The following CSMD1 variants were observed in gnomAD, a reference collection of about 807,000 sequenced individuals.
The protein encoded by CSMD1 is CUB and Sushi multiple domains 1, also known as CUB and sushi domain-containing protein 1.
A neutral mutation model predicts 417.5 loss-of-function variants in CSMD1; 213 were observed. That is an observed-to-expected ratio of 0.51 (90% CI 0.46 to 0.57). The LOEUF (loss-of-function observed/expected upper bound fraction) is 0.57. Among genes scored for constraint, CSMD1 ranks in the 20% least tolerant of loss-of-function variants. The pLI, the probability that CSMD1 is intolerant of heterozygous loss-of-function variation, is 0.00. For synonymous variants in CSMD1, 2,862 were observed against 1,736.8 expected (o/e 1.65, Z -16.11); for missense variants, 6,923 against 4,529.7 (o/e 1.53, Z -15.17).
At chr8:4,061,406 C>T (rs577350452) in intron 3 of CSMD1, among the ~76,000 whole-genome samples, 4 of 152,360 alleles carry the variant, frequency 2.6e-5, no homozygotes, top group African/African-American at 7.2e-5. Context: ...ATTAAATCAG[C>T]TTCCTAGCAC....
At position 4,765,131 on chromosome 8, in the gene CSMD1, G is replaced by C. The variant is rs532693748; in HGVS notation, c.86-127573C>G. 3.8e-4 allele frequency among the ~76,000 whole-genome samples: 58 copies of C among 152,170 alleles called. 1 individual carries two copies. The South Asian group carries it at 0.011, about 28-fold the overall frequency. On this transcript the variant is annotated intron_variant, in intron 1 of 69. Transcript: ENST00000635120. ...GGGTTCAAATCTTGGGTCTCCCTCTGATGTTCACACAGTTAATATAGCTCG... is the reference window on the plus strand; with the variant it reads ...GGGTTCAAATCTTGGGTCTCCCTCTCATGTTCACACAGTTAATATAGCTCG...
chr8:3,762,867 T>C (rs1651050730), intron 5 of CSMD1, among the ~76,000 whole-genome samples: 1 of 152,148 alleles, frequency 6.6e-6, no homozygotes, highest in Admixed American at 6.5e-5. Flanking sequence ...CGGTGGACAG[T>C]GTGAGGAAGC....
At chr8:3,337,542 C>T (rs895854042) in intron 23 of CSMD1, among the ~76,000 whole-genome samples, 9 of 152,212 alleles carry the variant, frequency 5.9e-5, no homozygotes, top group East Asian at 1.9e-4. Flanking sequence ...AGGATGTTCT[C>T]GGTAAGCGAT....
chr8:3,248,869 T>C (rs1042195427), intron 26 of CSMD1, among the ~76,000 whole-genome samples: 2 of 152,104 alleles, frequency 1.3e-5, no homozygotes, highest in African/African-American at 4.8e-5. Context: ...TTTTCAAGAC[T>C]GAGGTCCTTG....
In CSMD1 at chr8:4,288,612, G is replaced by C. The variant is rs188879232; in HGVS notation, c.415+131341C>G. On this transcript the variant is annotated intron_variant, in intron 3 of 69. Transcript: ENST00000635120. ...CATGCAGCTGGAGTTCCTGCCACTG[G>C]GTTCAAGGTGAAGGATGTTGCCACC... Among the ~76,000 whole-genome samples, 7 of 152,290 alleles carry C rather than the reference G, an allele frequency of 4.6e-5. No individual in the cohort carries two copies. In the East Asian group the frequency reaches 9.7e-4, roughly 21 times the overall value.
At chr8:4,570,157 C>T (rs1174335684) in intron 2 of CSMD1, among the ~76,000 whole-genome samples, 2 of 152,130 alleles carry the variant, frequency 1.3e-5, no homozygotes, top group African/African-American at 4.8e-5. Flanking sequence ...TTGCCCTGGC[C>T]AGAATTTCCA....
intron 1 of CSMD1, among the ~76,000 whole-genome samples, chr8:4,758,692 T>C (rs1402538221): frequency 1.3e-5 from 2 of 152,152 alleles, no homozygotes; most frequent in African/African-American, 2.4e-5. Flanking sequence ...ACATCTTACA[T>C]GGCAGCAGGT....
chr8:3,830,969 T>A (rs1802342698), intron 5 of CSMD1, among the ~76,000 whole-genome samples: 1 of 152,162 alleles, frequency 6.6e-6, no homozygotes, highest in African/African-American at 2.4e-5. Context: ...CCTAGGACGA[T>A]TAACACATGG....
At chr8:4,261,104 A>T (rs1803848713) in intron 3 of CSMD1, among the ~76,000 whole-genome samples, 2 of 152,136 alleles carry the variant, frequency 1.3e-5, no homozygotes, top group Non-Finnish European at 2.9e-5. Context: ...TCTATGTGTC[A>T]TTTACACATG....
chr8:3,171,554 T>G (rs1166144811), intron 37 of CSMD1, among the ~76,000 whole-genome samples: 1 of 152,154 alleles, frequency 6.6e-6, no homozygotes, highest in Non-Finnish European at 1.5e-5. Flanking sequence ...TCTAGACTCT[T>G]TATTCCCTAG....
chr8:4,280,467 A>C (rs145420691), intron 3 of CSMD1, among the ~76,000 whole-genome samples: 1 of 152,304 alleles, frequency 6.6e-6, no homozygotes, highest in African/African-American at 2.4e-5. Context: ...TGCATACATC[A>C]CTGTTTCAGT....
At chr8:4,609,956 T>G (rs1801076907) in intron 2 of CSMD1, among the ~76,000 whole-genome samples, 1 of 152,068 alleles carries the variant, frequency 6.6e-6, no homozygotes, top group Non-Finnish European at 1.5e-5. Flanking sequence ...GCTATTAAAC[T>G]ACCTAATTGG....
chr8:3,110,894 A>G (rs1816472470), intron 42 of CSMD1, among the ~76,000 whole-genome samples: 1 of 152,238 alleles, frequency 6.6e-6, no homozygotes. Flanking sequence ...CTAGTGTTCA[A>G]TGACTTGAAG....
At chr8:4,322,655 T>A (rs1799336117) in intron 3 of CSMD1, among the ~76,000 whole-genome samples, 1 of 152,202 alleles carries the variant, frequency 6.6e-6, no homozygotes, top group African/African-American at 2.4e-5. Flanking sequence ...GAATAATCAC[T>A]GTCTACAGAA....
chr8:4,680,538 G>A (rs934594266), intron 1 of CSMD1, among the ~76,000 whole-genome samples: 3 of 152,252 alleles, frequency 2.0e-5, no homozygotes, highest in East Asian at 3.9e-4. Flanking sequence ...TGGAACTGCT[G>A]ATGGTGAGCC....
In CSMD1 at chr8:4,637,436, T is replaced by G. The variant is rs767329658; in HGVS notation, c.208A>C (p.Ile70Leu). Residue 70 changes from isoleucine (I) to leucine (L), a missense_variant, in exon 2 of 70, where the codon ATA becomes CTA. Transcript: ENST00000635120. ...WIIITGERNRIQLSFHTFALE... is the reference protein window; with the variant it reads ...WIIITGERNRLQLSFHTFALE... Reference sequence around the variant, plus strand: ...GCAAAGGTATGGAAGGACAACTGTATCCTATTGCGCTCGCCCGTGATGATG... The same window carrying G: ...GCAAAGGTATGGAAGGACAACTGTAGCCTATTGCGCTCGCCCGTGATGATG... The G allele has an allele frequency of 1.9e-6, 3 of 1,613,806 alleles. No homozygotes were observed. Among genetic ancestry groups the G allele is most frequent in the Non-Finnish European group, 2.5e-6 (3 of 1,179,854 alleles).
chr8:4,169,034 G>T (rs1400536605), intron 3 of CSMD1, among the ~76,000 whole-genome samples: 1 of 152,040 alleles, frequency 6.6e-6, no homozygotes, highest in Admixed American at 6.5e-5. Flanking sequence ...CCAGTTGCTG[G>T]TTTCTTCTTT....
At chr8:3,712,470 G>C (rs1322636669) in intron 6 of CSMD1, among the ~76,000 whole-genome samples, 1 of 152,044 alleles carries the variant, frequency 6.6e-6, no homozygotes, top group Non-Finnish European at 1.5e-5. Flanking sequence ...AGAGCTGCAG[G>C]AATGCAGGAG....
At chr8:3,772,403 A>G (rs1474394645) in intron 5 of CSMD1, among the ~76,000 whole-genome samples, 2 of 141,458 alleles carry the variant, frequency 1.4e-5, no homozygotes, top group African/African-American at 2.6e-5. Context: ...ATACACATAT[A>G]TACATATATT....
Sources: allele counts gnomAD v4.1 joint callset (sites outside exome capture counted in the v4.1 genomes callset), GRCh38; gene constraint gnomAD v4.1.1; transcripts MANE v1.5; gene names NCBI Gene and HGNC (gene_info 2026-07-23, HGNC 2026-07-21).